Variants in FAM135B observed in about 807,000 individuals in gnomAD.
FAM135B encodes family with sequence similarity 135 member B, also known as protein FAM135B.
FAM135B carries 43 observed loss-of-function variants against 127.7 expected under a neutral mutation model. The ratio of observed to expected loss-of-function variants is 0.34; its 90% CI spans 0.26 to 0.43. The LOEUF (loss-of-function observed/expected upper bound fraction) is 0.43. Among genes scored for constraint, FAM135B ranks in the 20% least tolerant of loss-of-function variants. The probability of loss-of-function intolerance (pLI) is 1.00; values close to 1 mark genes in which losing one functional copy is unlikely to be tolerated. For missense variants in FAM135B, 1,558 were observed against 1,725.6 expected, an observed-to-expected ratio of 0.90 and a Z score of 1.72; for synonymous variants, 670 against 665.1, an observed-to-expected ratio of 1.01 and a Z score of -0.11.
At chr8:138,483,967 AAG>A (rs1245846917) in intron 1 of FAM135B, among the ~76,000 whole-genome samples, 1 of 152,218 alleles carries the variant, frequency 6.6e-6, no homozygotes. Flanking sequence ...ACAAATAAGA[AAG>A]AGCAGATCTG....
At chr8:138,206,588 C>A (rs548937011) in intron 7 of FAM135B, among the ~76,000 whole-genome samples, 23 of 134,140 alleles carry the variant, frequency 1.7e-4, no homozygotes, top group Non-Finnish European at 3.1e-4. Flanking sequence ...ATCCCCTCTA[C>A]CTACACACAA....
chr8:138,333,382 G>A (rs1828326897), intron 2 of FAM135B, among the ~76,000 whole-genome samples: 1 of 152,130 alleles, frequency 6.6e-6, no homozygotes, highest in Non-Finnish European at 1.5e-5. Context: ...TACCAGGTAT[G>A]CTGTGTTGCT....
chr8:138,449,186 A>G (rs1203004723), intron 1 of FAM135B, among the ~76,000 whole-genome samples: 2 of 152,234 alleles, frequency 1.3e-5, no homozygotes, highest in Non-Finnish European at 2.9e-5. Context: ...TGAGAAAGGC[A>G]TTCAAATGCT....
chr8:138,449,605 G>C (rs1475302292), intron 1 of FAM135B, among the ~76,000 whole-genome samples: 1 of 152,166 alleles, frequency 6.6e-6, no homozygotes, highest in Non-Finnish European at 1.5e-5. Flanking sequence ...AAGTGCATTG[G>C]AAGCCTATTT....
chr8:138,272,781 G>T (rs1823482934), intron 3 of FAM135B, among the ~76,000 whole-genome samples: 1 of 152,196 alleles, frequency 6.6e-6, no homozygotes, highest in African/African-American at 2.4e-5. Context: ...CTGCTGAGTG[G>T]TCTCAGGTAT....
intron 1 of FAM135B, among the ~76,000 whole-genome samples, chr8:138,461,168 G>A (rs527261111): frequency 2.6e-5 from 4 of 152,062 alleles, no homozygotes; most frequent in Non-Finnish European, 4.4e-5. Flanking sequence ...ATTAGTCATG[G>A]ATACTCTTAC....
intron 4 of FAM135B, 53 bp from the exon 5 acceptor site, chr8:138,256,812 G>A (rs1822134013): frequency 7.4e-7 from 1 of 1,358,070 alleles, no homozygotes; most frequent in Non-Finnish European, 1.1e-6. Context: ...TTGTCCAAAT[G>A]AAATACTTAG....
intron 11 of FAM135B, among the ~76,000 whole-genome samples, chr8:138,174,054 T>C (rs1256947725): frequency 6.6e-6 from 1 of 152,194 alleles, no homozygotes; most frequent in African/African-American, 2.4e-5. Context: ...ACACACACAC[T>C]GAAGCAAAAG....
Position 138,307,083 on chromosome 8 carries a change from G to A in FAM135B, c.157+3758C>T, listed in dbSNP as rs536970944. Among the ~76,000 whole-genome samples, 191 of 152,306 alleles carry A rather than the reference G, an allele frequency of 1.3e-3. 1 individual carries two copies. The highest frequency in any genetic ancestry group is 4.2e-3 in the African/African-American group (176 of 41,558). On this transcript the variant is annotated intron_variant, in intron 3 of 19. Coordinates refer to ENST00000395297, the MANE Select transcript of FAM135B (RefSeq NM_015912.4). ...CCTGTTTAACCTTGGCACCTGACAT[G>A]GTTTTGCTATGTCCCCACCCAAATC...
intron 1 of FAM135B, among the ~76,000 whole-genome samples, chr8:138,403,047 T>C (rs1216463643): frequency 6.6e-6 from 1 of 152,188 alleles, no homozygotes; most frequent in Non-Finnish European, 1.5e-5. Flanking sequence ...AATCAGCTCG[T>C]ACCTTGATCG....
At chr8:138,209,478 G>A (rs1305112814) in intron 7 of FAM135B, among the ~76,000 whole-genome samples, 1 of 152,192 alleles carries the variant, frequency 6.6e-6, no homozygotes, top group Non-Finnish European at 1.5e-5. Context: ...ATAACAAAGT[G>A]CAGGGAGACA....
intron 2 of FAM135B, among the ~76,000 whole-genome samples, chr8:138,315,888 T>C (rs1827052023): frequency 6.6e-6 from 1 of 152,230 alleles, no homozygotes; most frequent in South Asian, 2.1e-4. Context: ...TGGGGAAATG[T>C]AGGTCAAAGA....
chr8:138,349,415 C>G (rs975875253), intron 2 of FAM135B, among the ~76,000 whole-genome samples: 5 of 152,168 alleles, frequency 3.3e-5, no homozygotes, highest in African/African-American at 1.2e-4. Context: ...AGGCTGTTTA[C>G]TCATGTGTAA....
At chr8:138,133,733 C>A (rs1240103931) in intron 19 of FAM135B, among the ~76,000 whole-genome samples, 1 of 152,154 alleles carries the variant, frequency 6.6e-6, no homozygotes, top group Non-Finnish European at 1.5e-5. Flanking sequence ...GACACTCTCT[C>A]ATGCCACGTG....
At chr8:138,448,474 T>C (rs555808484) in intron 1 of FAM135B, among the ~76,000 whole-genome samples, 38 of 152,280 alleles carry the variant, frequency 2.5e-4, no homozygotes, top group African/African-American at 8.2e-4. Context: ...AGAGTGGACA[T>C]AGTTAGCAAG....
intron 2 of FAM135B, among the ~76,000 whole-genome samples, chr8:138,329,556 T>C (rs894301082): frequency 6.6e-6 from 1 of 152,166 alleles, no homozygotes; most frequent in East Asian, 1.9e-4. Flanking sequence ...GGAGATGTAT[T>C]CTGTAATTAC....
At chr8:138,188,359 T>A (rs1815776633) in intron 9 of FAM135B, among the ~76,000 whole-genome samples, 1 of 152,116 alleles carries the variant, frequency 6.6e-6, no homozygotes, top group Non-Finnish European at 1.5e-5. Context: ...AGGCCTGTCT[T>A]ATGGGGCTGC....
At chr8:138,385,127 A>T (rs1324106873) in intron 1 of FAM135B, among the ~76,000 whole-genome samples, 2 of 151,964 alleles carry the variant, frequency 1.3e-5, no homozygotes, top group Non-Finnish European at 2.9e-5. Flanking sequence ...TTTGGCCTTG[A>T]CCATCCACTT....
At position 138,322,706 on chromosome 8, in the gene FAM135B, CTT is replaced by C. The variant is rs780652901; in HGVS notation, c.78-11788_78-11787del. Among the ~76,000 whole-genome samples the C allele has an allele frequency of 2.0e-5, 3 of 152,330 alleles. No individual in the cohort carries two copies. In the South Asian group the frequency reaches 6.2e-4, roughly 32 times the overall value. ...TAAACATAACCTGCCCTACCTCCATCTTTATGAAGAACTGCCATTTGCCTAGA... is the reference window on the plus strand; with the variant it reads ...TAAACATAACCTGCCCTACCTCCATCTATGAAGAACTGCCATTTGCCTAGA... On this transcript the variant is annotated intron_variant, in intron 2 of 19. Transcript: ENST00000395297.
Sources: allele counts gnomAD v4.1 joint callset (sites outside exome capture counted in the v4.1 genomes callset), GRCh38; gene constraint gnomAD v4.1.1; transcripts MANE v1.5; gene names NCBI Gene and HGNC (gene_info 2026-07-23, HGNC 2026-07-21).